Variants in SIPA1L3 observed in about 807,000 individuals in gnomAD.
SIPA1L3 encodes the protein signal-induced proliferation-associated 1-like protein 3.
Under a neutral mutation model 150.1 loss-of-function variants are expected in SIPA1L3, and 59 were observed. The observed-to-expected ratio is 0.39, with a 90% CI of 0.32 to 0.49. The LOEUF (loss-of-function observed/expected upper bound fraction) is 0.49. Among genes scored for constraint, SIPA1L3 ranks in the 20% least tolerant of loss-of-function variants. The pLI is 0.86. For missense variants in SIPA1L3, 2,211 were observed against 2,489.5 expected (o/e 0.89, Z 2.38); for synonymous variants, 1,070 against 1,077.6 (o/e 0.99, Z 0.14).
At chr19:37,973,424 G>A (rs575767149) in intron 1 of SIPA1L3, among the ~76,000 whole-genome samples, 11 of 150,596 alleles carry the variant, frequency 7.3e-5, no homozygotes, top group African/African-American at 2.4e-4. Context: ...TAGTAGAGAC[G>A]GGGTTTCACC....
intron 17 of SIPA1L3, 101 bp downstream of exon 17, chr19:38,192,411 G>C (rs1972824828): frequency 8.8e-7 from 1 of 1,131,464 alleles, no homozygotes; most frequent in African/African-American, 1.6e-5. Flanking sequence ...GGTCACGCCA[G>C]CTCCTTCCCG....
chr19:38,136,838 G>A (rs1479972185), intron 10 of SIPA1L3, among the ~76,000 whole-genome samples: 1 of 152,192 alleles, frequency 6.6e-6, no homozygotes, highest in African/African-American at 2.4e-5. Context: ...GAGGAGCTGG[G>A]GCAGAATCTT....
chr19:38,147,125 C>T (rs1302475418), intron 12 of SIPA1L3, among the ~76,000 whole-genome samples: 1 of 151,932 alleles, frequency 6.6e-6, no homozygotes, highest in East Asian at 1.9e-4. Context: ...GCAGTGGTGT[C>T]ATCTCGGCTC....
chr19:37,991,802 G>C (rs1967515428), intron 1 of SIPA1L3, among the ~76,000 whole-genome samples: 1 of 152,222 alleles, frequency 6.6e-6, no homozygotes, highest in African/African-American at 2.4e-5. Flanking sequence ...GCTAGGACCG[G>C]GGTGGGGTTT....
chr19:38,169,707 C>G (rs2145995602), intron 15 of SIPA1L3, among the ~76,000 whole-genome samples: 1 of 152,388 alleles, frequency 6.6e-6, no homozygotes, highest in East Asian at 1.9e-4. Flanking sequence ...AATATCCCCC[C>G]TGGTCCAAGA....
chr19:38,124,266 G>A (rs1971112712), intron 9 of SIPA1L3, among the ~76,000 whole-genome samples: 1 of 148,748 alleles, frequency 6.7e-6, no homozygotes, highest in East Asian at 2.0e-4. Context: ...CCAGGCGGAG[G>A]GTCTCCTCAC....
At position 38,100,119 on chromosome 19, in the gene SIPA1L3, C is replaced by T. The variant is rs139605109; in HGVS notation, c.1823C>T (p.Thr608Met). 743 of 1,595,906 alleles carry T rather than the reference C, an allele frequency of 4.7e-4. 7 individuals carry two copies. In the Admixed American group the frequency reaches 7.8e-3, roughly 17 times the overall value. Residue 608 changes from threonine (T) to methionine (M), a missense_variant, in exon 5 of 22, where the codon ACG becomes ATG. By Grantham distance (81) the Thr-to-Met change is moderately conservative (BLOSUM62 -1). Around this residue, in one of 5 missense-constraint regions of SIPA1L3, gnomAD observed 625 missense variants for 804.2 expected, o/e 0.78. Transcript: ENST00000222345. ...CTGGCCCTCAACACCCCCAAGGTGACGGAGCAACTGCTGAAGCTCGATGAG... is the reference window on the plus strand; with the variant it reads ...CTGGCCCTCAACACCCCCAAGGTGATGGAGCAACTGCTGAAGCTCGATGAG... ...LRLALNTPKVTEQLLKLDEQG... is the reference protein window; with the variant it reads ...LRLALNTPKVMEQLLKLDEQG...
chr19:38,064,554 G>A (rs761320176), intron 2 of SIPA1L3, among the ~76,000 whole-genome samples: 19 of 152,060 alleles, frequency 1.2e-4, no homozygotes, highest in Non-Finnish European at 2.2e-4. Context: ...AAAATTAGCC[G>A]GGCGTGGTGG....
At chr19:38,021,091 G>A (rs1427561993) in intron 1 of SIPA1L3, among the ~76,000 whole-genome samples, 3 of 152,078 alleles carry the variant, frequency 2.0e-5, no homozygotes, top group Non-Finnish European at 1.5e-5. Flanking sequence ...GTGAGCCACC[G>A]TGCCCGGCTT....
chr19:38,049,738 T>C (rs1969146956), intron 2 of SIPA1L3, among the ~76,000 whole-genome samples: 1 of 152,172 alleles, frequency 6.6e-6, no homozygotes, highest in Non-Finnish European at 1.5e-5. Context: ...GATCTTGAAC[T>C]CCTGAGCTCT....
intron 8 of SIPA1L3, among the ~76,000 whole-genome samples, chr19:38,118,394 A>G (rs1400990865): frequency 6.6e-6 from 1 of 151,864 alleles, no homozygotes; most frequent in African/African-American, 2.4e-5. Flanking sequence ...CACTGCCCTG[A>G]GGGAGTAGGT....
Position 38,081,834 on chromosome 19 carries a change from G to A in SIPA1L3, c.269G>A (p.Arg90Gln), listed in dbSNP as rs779147500. 5.0e-5 allele frequency: 81 copies of A among 1,613,786 alleles called. No homozygotes were observed. The highest frequency in any genetic ancestry group is 6.5e-5 in the Non-Finnish European group (77 of 1,179,876). ...RARVADWPPKREALREHSNPS... is the reference protein window; with the variant it reads ...RARVADWPPKQEALREHSNPS... ...AGGGTGGCCGACTGGCCGCCCAAGC[G>A]GGAGGCCCTGAGAGAGCACAGCAAC... is the stretch of plus-strand genomic sequence containing the variant. Residue 90 changes from arginine to glutamine, a missense_variant, in exon 3 of 22, where the codon CGG becomes CAG. Physicochemically the swap from Arg to Gln is conservative, Grantham distance 43 (BLOSUM62 1). This residue lies in a region of SIPA1L3 where 130 missense variants were observed against 174.5 expected (regional missense o/e 0.74). Transcript: ENST00000222345.
At chr19:38,138,709 C>T (rs74200856) in intron 10 of SIPA1L3, among the ~76,000 whole-genome samples, 60,189 of 148,032 alleles carry the variant, frequency 0.41, 12,391 homozygotes, top group East Asian at 0.64. Context: ...ACCAGCCTGG[C>T]CAACATGATG....
intron 16 of SIPA1L3, among the ~76,000 whole-genome samples, chr19:38,188,210 G>A (rs1433921613): frequency 1.3e-5 from 2 of 151,700 alleles, no homozygotes; most frequent in Admixed American, 1.3e-4. Context: ...GGTGGTGACA[G>A]GGTTTCACTC....
chr19:38,172,956 G>T (rs1018200247), intron 15 of SIPA1L3, among the ~76,000 whole-genome samples: 3 of 152,076 alleles, frequency 2.0e-5, no homozygotes, highest in Non-Finnish European at 2.9e-5. Context: ...CAAAAAATTA[G>T]CTGGGTGTGG....
chr19:38,094,804 C>T (rs764769313), intron 4 of SIPA1L3, among the ~76,000 whole-genome samples: 2 of 152,234 alleles, frequency 1.3e-5, no homozygotes, highest in South Asian at 2.1e-4. Flanking sequence ...TGGTAGCTCA[C>T]GCCTGTAATC....
At chr19:38,011,658 G>C (rs1014857831) in intron 1 of SIPA1L3, among the ~76,000 whole-genome samples, 7 of 152,242 alleles carry the variant, frequency 4.6e-5, no homozygotes, top group South Asian at 2.1e-4. Flanking sequence ...AAGGCAGCCA[G>C]TGTGGCGGGA....
rs201772563 is a variant in SIPA1L3 at position 38,153,310 on chromosome 19, C to T, written c.3661+343C>T. On this transcript the variant is annotated intron_variant, in intron 13 of 21. Coordinates refer to ENST00000222345, the MANE Select transcript of SIPA1L3 (RefSeq NM_015073.3). ...CTCAGGAGCAGGACTGGCTGCGTCC[C>T]GTGGCTTTTCATTACATAAACCCTC... Among the ~76,000 whole-genome samples the T allele has an allele frequency of 3.3e-5, 5 of 152,164 alleles. No individual in the cohort carries two copies. In the East Asian group the frequency reaches 5.8e-4, roughly 18 times the overall value.
At chr19:38,065,625 T>C (rs1250400090) in intron 2 of SIPA1L3, among the ~76,000 whole-genome samples, 4 of 151,952 alleles carry the variant, frequency 2.6e-5, no homozygotes, top group Non-Finnish European at 5.9e-5. Context: ...TTTCACCCTG[T>C]TGGCCAGGCT....
Sources: allele counts gnomAD v4.1 joint callset (sites outside exome capture counted in the v4.1 genomes callset), GRCh38; gene constraint gnomAD v4.1.1; regional missense constraint gnomAD v4.1.1; transcripts MANE v1.5; gene names NCBI Gene and HGNC (gene_info 2026-07-23, HGNC 2026-07-21).